Variants in TASP1 observed in about 807,000 individuals in gnomAD.
TASP1 encodes taspase 1, also known as threonine aspartase 1.
A neutral mutation model predicts 56.6 loss-of-function variants in TASP1; 16 were observed. That is an observed-to-expected ratio of 0.28 (90% CI 0.19 to 0.43). TASP1 has a LOEUF of 0.43. TASP1 is among the 20% of genes least tolerant of loss of function. The pLI is 1.00. For missense variants in TASP1, 393 were observed against 511.6 expected, an observed-to-expected ratio of 0.77 and a Z score of 2.24; for synonymous variants, 179 against 184.2, an observed-to-expected ratio of 0.97 and a Z score of 0.23.
chr20:13,203,831 G>A, the TASP1 span, among the ~76,000 whole-genome samples: 1 of 152,202 alleles, frequency 6.6e-6, no homozygotes, highest in Non-Finnish European at 1.5e-5. Flanking sequence ...AAACTTAGGA[G>A]GAGGGATTAG....
At chr20:13,193,778 G>A in the TASP1 span, among the ~76,000 whole-genome samples, 1 of 151,994 alleles carries the variant, frequency 6.6e-6, no homozygotes, top group South Asian at 2.1e-4. Context: ...ATCCCAAAGT[G>A]GCCACCATCG....
At chr20:13,631,427 A>G (rs1461868870) in intron 1 of TASP1, among the ~76,000 whole-genome samples, 2 of 152,118 alleles carry the variant, frequency 1.3e-5, no homozygotes, top group African/African-American at 4.8e-5. Context: ...ATCTGCCTCA[A>G]TTACCTTTAT....
the TASP1 span, among the ~76,000 whole-genome samples, chr20:13,314,816 T>C: frequency 6.6e-6 from 1 of 152,110 alleles, no homozygotes; most frequent in Non-Finnish European, 1.5e-5. Flanking sequence ...TATGCACATA[T>C]CTATATCTAT....
chr20:13,388,119 A>G (rs1215530866), downstream of TASP1, among the ~76,000 whole-genome samples: 1 of 152,232 alleles, frequency 6.6e-6, no homozygotes, highest in Non-Finnish European at 1.5e-5. Flanking sequence ...CACACAGTTA[A>G]AAGCATCCAT....
At chr20:13,442,718 G>C (rs117471270) in intron 11 of TASP1, among the ~76,000 whole-genome samples, 4,367 of 151,346 alleles carry the variant, frequency 0.029, 84 homozygotes, top group Middle Eastern at 0.051. Flanking sequence ...CTATGAAAGA[G>C]AGCAGGGGCC....
chr20:13,199,467 G>A, the TASP1 span, among the ~76,000 whole-genome samples: 1,003 of 151,856 alleles, frequency 6.6e-3, 12 homozygotes, highest in African/African-American at 0.023. Context: ...TGAAACATGA[G>A]ACCCACCTCT....
chr20:13,276,129 G>A, the TASP1 span, among the ~76,000 whole-genome samples: 1 of 152,188 alleles, frequency 6.6e-6, no homozygotes, highest in Non-Finnish European at 1.5e-5. Context: ...TAAAACCCTT[G>A]TTGGAGACAG....
chr20:13,367,260 C>G, the TASP1 span, among the ~76,000 whole-genome samples: 133 of 152,296 alleles, frequency 8.7e-4, no homozygotes, highest in Non-Finnish European at 1.9e-4. Flanking sequence ...CTGCTTTTAA[C>G]TGTCTTGGGC....
chr20:13,554,438 A>T (rs983668881), intron 8 of TASP1, among the ~76,000 whole-genome samples: 1 of 152,220 alleles, frequency 6.6e-6, no homozygotes, highest in Non-Finnish European at 1.5e-5. Flanking sequence ...GTAGAATACC[A>T]AGCAGAATAA....
the TASP1 span, among the ~76,000 whole-genome samples, chr20:13,279,063 G>A: frequency 0.13 from 20,308 of 152,188 alleles, 2,610 homozygotes; most frequent in African/African-American, 0.33. Context: ...TCTCCAGGGA[G>A]GAGAAATGGG....
the TASP1 span, among the ~76,000 whole-genome samples, chr20:13,313,243 T>C: frequency 6.6e-6 from 1 of 152,180 alleles, no homozygotes; most frequent in African/African-American, 2.4e-5. Context: ...TCCTAACAAT[T>C]TCCCCCCACA....
intron 10 of TASP1, among the ~76,000 whole-genome samples, chr20:13,527,807 T>C (rs1241772266): frequency 5.3e-5 from 8 of 152,168 alleles, no homozygotes; most frequent in Admixed American, 3.9e-4. Context: ...CTGTTAATTT[T>C]TGAAATTAAC....
the TASP1 span, among the ~76,000 whole-genome samples, chr20:13,128,386 G>A: frequency 1.3e-5 from 2 of 152,126 alleles, no homozygotes; most frequent in African/African-American, 4.8e-5. Context: ...GGTATTTCTT[G>A]TTTGCATCAC....
intron 10 of TASP1, among the ~76,000 whole-genome samples, chr20:13,510,224 T>C (rs1463670482): frequency 2.6e-5 from 4 of 152,182 alleles, no homozygotes; most frequent in Non-Finnish European, 5.9e-5. Flanking sequence ...TTATACTATG[T>C]CATATTAGGA....
chr20:13,361,543 C>T, the TASP1 span, among the ~76,000 whole-genome samples: 57 of 152,318 alleles, frequency 3.7e-4, no homozygotes, highest in East Asian at 9.3e-3. Flanking sequence ...ACCACTTTCC[C>T]TTCTCAGAAT....
intron 10 of TASP1, among the ~76,000 whole-genome samples, chr20:13,511,542 A>G (rs2044325243): frequency 6.6e-6 from 1 of 152,142 alleles, no homozygotes; most frequent in Non-Finnish European, 1.5e-5. Context: ...TCCAAACTTA[A>G]ACTACCCTTC....
the TASP1 span, among the ~76,000 whole-genome samples, chr20:13,185,629 C>T: frequency 6.6e-6 from 1 of 152,084 alleles, no homozygotes; most frequent in Non-Finnish European, 1.5e-5. Context: ...CATGTGACTC[C>T]ATTGACTTTA....
At chr20:13,271,368 G>A in the TASP1 span, among the ~76,000 whole-genome samples, 1 of 152,176 alleles carries the variant, frequency 6.6e-6, no homozygotes, top group Non-Finnish European at 1.5e-5. Context: ...ATGAAGCAGT[G>A]GGAAATGGGA....
At chr20:13,390,658 C>T (rs2041237975) in intron 13 of TASP1, among the ~76,000 whole-genome samples, 1 of 152,174 alleles carries the variant, frequency 6.6e-6, no homozygotes, top group African/African-American at 2.4e-5. Context: ...TACTGAGCAT[C>T]TGCTACATGC....
Sources: allele counts gnomAD v4.1 joint callset (sites outside exome capture counted in the v4.1 genomes callset), GRCh38; gene constraint gnomAD v4.1.1; transcripts MANE v1.5; gene names NCBI Gene and HGNC (gene_info 2026-07-23, HGNC 2026-07-21).